The following AGBL3 variants were observed in gnomAD, a reference collection of about 807,000 sequenced individuals.
The protein encoded by AGBL3 is AGBL carboxypeptidase 3, also known as cytosolic carboxypeptidase 3.
A neutral mutation model predicts 94.5 loss-of-function variants in AGBL3; 68 were observed. That is an observed-to-expected ratio of 0.72 (90% CI 0.59 to 0.88). The LOEUF is 0.88. AGBL3 is among the 40% of genes least tolerant of loss of function. The probability of loss-of-function intolerance (pLI) is 0.00; values close to 1 mark genes in which losing one functional copy is unlikely to be tolerated. For missense variants in AGBL3, 934 were observed against 1,103.8 expected (o/e 0.85, Z 2.18); for synonymous variants, 354 against 370.7 (o/e 0.95, Z 0.52).
At chr7:135,007,029 TTAA>T (rs1187760360) in intron 4 of AGBL3, among the ~76,000 whole-genome samples, 18 of 152,034 alleles carry the variant, frequency 1.2e-4, no homozygotes, top group African/African-American at 4.3e-4. Flanking sequence ...AGAGATTTAA[TTAA>T]TAATAGAAAA....
chr7:135,113,040 G>T (rs976116468), intron 15 of AGBL3, among the ~76,000 whole-genome samples: 6 of 152,296 alleles, frequency 3.9e-5, no homozygotes, highest in African/African-American at 1.2e-4. Context: ...GCCTCCTAAA[G>T]TGCTGAGATT....
At chr7:135,004,676 A>T (rs1563173712) in intron 4 of AGBL3, among the ~76,000 whole-genome samples, 1 of 151,602 alleles carries the variant, frequency 6.6e-6, no homozygotes, top group Non-Finnish European at 1.5e-5. Context: ...TTTAAAATTC[A>T]TTTAATAAAT....
At chr7:135,098,491 T>C (rs1183836049) in intron 15 of AGBL3, among the ~76,000 whole-genome samples, 1 of 152,196 alleles carries the variant, frequency 6.6e-6, no homozygotes, top group Admixed American at 6.5e-5. Flanking sequence ...TTTTCCATCC[T>C]CAGTTGGTTA....
chr7:135,009,055 T>C (rs1812769779), intron 4 of AGBL3, among the ~76,000 whole-genome samples: 1 of 152,220 alleles, frequency 6.6e-6, no homozygotes, highest in Admixed American at 6.5e-5. Flanking sequence ...TGCAGCTACT[T>C]TGGAAACCTG....
At chr7:135,084,411 A>G (rs1412693802) in intron 15 of AGBL3, among the ~76,000 whole-genome samples, 1 of 152,136 alleles carries the variant, frequency 6.6e-6, no homozygotes, top group African/African-American at 2.4e-5. Context: ...TACTCACCCT[A>G]TAGTTCTATG....
chr7:135,022,518 T>C (rs745401016), intron 5 of AGBL3, among the ~76,000 whole-genome samples: 32 of 152,132 alleles, frequency 2.1e-4, no homozygotes, highest in Non-Finnish European at 3.7e-4. Context: ...GTTTTTTTTT[T>C]CTCATAAATT....
chr7:135,015,598 TATAATG>T (rs61353133), intron 4 of AGBL3, among the ~76,000 whole-genome samples: 140,772 of 151,816 alleles, frequency 0.93, 66,125 homozygotes, highest in Non-Finnish European at 1. Flanking sequence ...TTTCTCCAGT[TATAATG>T]ATAGGGTTTC....
chr7:135,054,996 A>G (rs1046588872), intron 11 of AGBL3, among the ~76,000 whole-genome samples: 3 of 152,216 alleles, frequency 2.0e-5, no homozygotes, highest in East Asian at 3.8e-4. Flanking sequence ...ATGCTACATC[A>G]TAACATGGCA....
intron 13 of AGBL3, among the ~76,000 whole-genome samples, chr7:135,079,402 T>A (rs892070855): frequency 6.6e-6 from 1 of 152,158 alleles, no homozygotes; most frequent in Non-Finnish European, 1.5e-5. Context: ...CAATTATATA[T>A]ATGAAGAGGT....
chr7:135,117,748 C>T (rs1252908999), intron 16 of AGBL3, among the ~76,000 whole-genome samples: 1 of 152,314 alleles, frequency 6.6e-6, no homozygotes, highest in South Asian at 2.1e-4. Flanking sequence ...TCCATATACA[C>T]CTATATCAGA....
chr7:135,031,602 G>A lies in AGBL3; in HGVS notation c.419-1242G>A, dbSNP rs140721705. 1.1e-4 allele frequency among the ~76,000 whole-genome samples: 16 copies of A among 152,228 alleles called. No homozygotes were observed. In the East Asian group the frequency reaches 2.9e-3, roughly 28 times the overall value. On this transcript the variant is annotated intron_variant, in intron 5 of 16. Coordinates refer to ENST00000436302, the MANE Select transcript of AGBL3 (RefSeq NM_178563.4). ...ATTACGTTGAATTTTGTTCTAGCAGGCAATTAAATTGCTGGCAGATCATTT... is the reference window on the plus strand; with the variant it reads ...ATTACGTTGAATTTTGTTCTAGCAGACAATTAAATTGCTGGCAGATCATTT...
At chr7:135,076,898 A>AAC (rs1025718567) in intron 13 of AGBL3, among the ~76,000 whole-genome samples, 2 of 151,312 alleles carry the variant, frequency 1.3e-5, no homozygotes, top group Non-Finnish European at 3.0e-5. Flanking sequence ...CAACAACAAC[A>AAC]AACAACAACA....
At chr7:134,992,241 G>A (rs1810378940) in intron 3 of AGBL3, among the ~76,000 whole-genome samples, 1 of 152,114 alleles carries the variant, frequency 6.6e-6, no homozygotes, top group Admixed American at 6.5e-5. Flanking sequence ...TTACTTTGAG[G>A]CTTGCCTTTC....
chr7:135,046,204 T>C (rs2348056), intron 11 of AGBL3, among the ~76,000 whole-genome samples: 1 of 151,860 alleles, frequency 6.6e-6, no homozygotes, highest in Non-Finnish European at 1.5e-5. Context: ...ATAGACTTTA[T>C]TTTAGCTTTT....
At chr7:134,990,730 C>G (rs1018644006) in intron 3 of AGBL3, among the ~76,000 whole-genome samples, 2 of 152,170 alleles carry the variant, frequency 1.3e-5, no homozygotes, top group African/African-American at 2.4e-5. Flanking sequence ...GCCAATAATT[C>G]TTAGGTTTTA....
Position 135,081,747 on chromosome 7 carries a change from T to C in AGBL3, c.2067T>C (p.Tyr689=), listed in dbSNP as rs1191794527. ...CAAGGCCAAATGAACCAGATGATTATATGGTTGATTATTTCAGAAGACAAT... is the reference window on the plus strand; with the variant it reads ...CAAGGCCAAATGAACCAGATGATTACATGGTTGATTATTTCAGAAGACAAT... ...KDTRPNEPDD[Y]MVDYFRRQLP... The change falls in exon 15 of 17, where the codon TAT becomes TAC. Residue 689 remains tyrosine (Y), a synonymous_variant. Transcript: ENST00000436302. 5 of 1,542,588 alleles carry C rather than the reference T, an allele frequency of 3.2e-6. No homozygotes were observed. In the East Asian group the frequency reaches 1.2e-4, roughly 38 times the overall value.
chr7:135,062,802 G>A (rs940600115), intron 12 of AGBL3, among the ~76,000 whole-genome samples: 1 of 152,022 alleles, frequency 6.6e-6, no homozygotes, highest in Non-Finnish European at 1.5e-5. Flanking sequence ...ATGCTTCTCA[G>A]GGATATTGGT....
At chr7:134,993,240 T>C (rs1395835822) in intron 3 of AGBL3, among the ~76,000 whole-genome samples, 1 of 152,242 alleles carries the variant, frequency 6.6e-6, no homozygotes. Context: ...ACGAGAAACA[T>C]GTTTTTAAAC....
At chr7:134,988,975 T>C (rs151150116) in intron 2 of AGBL3, among the ~76,000 whole-genome samples, 8 of 149,056 alleles carry the variant, frequency 5.4e-5, no homozygotes, top group African/African-American at 1.8e-4. Flanking sequence ...CCCGGGTTTA[T>C]CAAGAATCTT....
Sources: allele counts gnomAD v4.1 joint callset (sites outside exome capture counted in the v4.1 genomes callset), GRCh38; gene constraint gnomAD v4.1.1; transcripts MANE v1.5; gene names NCBI Gene and HGNC (gene_info 2026-07-23, HGNC 2026-07-21).